SOX5: variants seen among roughly 807,000 people sequenced by gnomAD.
SOX5 encodes SRY-box transcription factor 5, also known as transcription factor SOX-5.
Under a neutral mutation model 92.0 loss-of-function variants are expected in SOX5, and 9 were observed. The ratio of observed to expected loss-of-function variants is 0.10; its 90% CI spans 0.06 to 0.17. The LOEUF is 0.17. Ranked by LOEUF, SOX5 falls within the 10% of genes least tolerant of loss-of-function variation. The pLI, the probability that SOX5 is intolerant of heterozygous loss-of-function variation, is 1.00. For missense variants in SOX5, 642 were observed against 944.5 expected, an observed-to-expected ratio of 0.68 and a Z score of 4.20; for synonymous variants, 344 against 336.3, an observed-to-expected ratio of 1.02 and a Z score of -0.25.
intron 4 of SOX5, among the ~76,000 whole-genome samples, chr12:24,138,086 A>T (rs1208944356): frequency 6.6e-6 from 1 of 152,224 alleles, no homozygotes; most frequent in Non-Finnish European, 1.5e-5. Flanking sequence ...GCTATTTTGG[A>T]GGCCACAAAT....
chr12:24,541,111 GC>G (rs1315113315), intron 1 of SOX5, among the ~76,000 whole-genome samples: 1 of 152,156 alleles, frequency 6.6e-6, no homozygotes. Context: ...TCTGGCAAGA[GC>G]TCACTGTGGG....
chr12:24,363,402 C>A (rs1191485729), intron 2 of SOX5, among the ~76,000 whole-genome samples: 2 of 152,056 alleles, frequency 1.3e-5, no homozygotes, highest in Non-Finnish European at 2.9e-5. Flanking sequence ...AATTTGATTG[C>A]CTCTGTATAC....
Position 24,254,374 on chromosome 12 carries a change from T to C in SOX5, c.-77+22842A>G, listed in dbSNP as rs549126815. 3.5e-4 allele frequency among the ~76,000 whole-genome samples: 52 copies of C among 150,136 alleles called. 1 individual carries two copies. The highest frequency in any genetic ancestry group is 6.7e-4 in the Non-Finnish European group (45 of 67,648). ...AGGGGCTTATGTCCTCACAAACCCA[T>C]TGTAAGTTGTAAAAAAAAAAGTCAA... is the stretch of plus-strand genomic sequence containing the variant. On this transcript the variant is annotated intron_variant, in intron 3 of 4. Transcript: ENST00000446891.
chr12:23,670,087 T>C (rs560046264), intron 6 of SOX5, among the ~76,000 whole-genome samples: 33 of 152,180 alleles, frequency 2.2e-4, no homozygotes, highest in Admixed American at 1.2e-3. Flanking sequence ...AGACAAAAAT[T>C]AATAAAATCA....
intron 3 of SOX5, among the ~76,000 whole-genome samples, chr12:24,234,841 G>A (rs1210391159): frequency 6.6e-6 from 1 of 152,118 alleles, no homozygotes; most frequent in Non-Finnish European, 1.5e-5. Flanking sequence ...AAAGTCTGGA[G>A]ACAATTTTGC....
intron 6 of SOX5, among the ~76,000 whole-genome samples, chr12:23,669,328 A>T (rs78804507): frequency 0.11 from 16,390 of 152,082 alleles, 1,180 homozygotes; most frequent in Middle Eastern, 0.16. Context: ...AGGAGCAGAG[A>T]CAGAGACATA....
intron 4 of SOX5, among the ~76,000 whole-genome samples, chr12:24,080,603 A>G (rs934875198): frequency 2.0e-5 from 3 of 151,992 alleles, no homozygotes; most frequent in African/African-American, 7.2e-5. Flanking sequence ...ACCCAGGACT[A>G]TGGACTGTGT....
At chr12:23,754,964 A>G (rs2094314978) in intron 4 of SOX5, among the ~76,000 whole-genome samples, 7 of 143,396 alleles carry the variant, frequency 4.9e-5, no homozygotes, top group Admixed American at 4.7e-4. Flanking sequence ...GTGTCCTACT[A>G]GCAACAAATA....
intron 3 of SOX5, among the ~76,000 whole-genome samples, chr12:24,246,333 T>C (rs1285784972): frequency 6.6e-6 from 1 of 151,930 alleles, no homozygotes; most frequent in African/African-American, 2.4e-5. Flanking sequence ...ATGATGGTTA[T>C]ATCAGTCATT....
chr12:23,841,823 T>C (rs549122569), intron 3 of SOX5, among the ~76,000 whole-genome samples: 1 of 152,200 alleles, frequency 6.6e-6, no homozygotes, highest in East Asian at 1.9e-4. Flanking sequence ...CAGGATAGTT[T>C]GGAGTGGTGA....
intron 10 of SOX5, among the ~76,000 whole-genome samples, chr12:23,567,953 G>T (rs997921967): frequency 6.6e-6 from 1 of 152,062 alleles, no homozygotes; most frequent in African/African-American, 2.4e-5. Flanking sequence ...TACAAGGAAA[G>T]AAAATAAAAT....
At chr12:23,766,746 T>G (rs551077598) in intron 3 of SOX5, among the ~76,000 whole-genome samples, 1 of 152,206 alleles carries the variant, frequency 6.6e-6, no homozygotes, top group Non-Finnish European at 1.5e-5. Flanking sequence ...CTTTGCTGTT[T>G]TACAACTCCA....
At chr12:23,621,611 G>A (rs1182029955) in intron 8 of SOX5, among the ~76,000 whole-genome samples, 4 of 151,980 alleles carry the variant, frequency 2.6e-5, no homozygotes, top group Non-Finnish European at 5.9e-5. Flanking sequence ...GTGCAAAGGG[G>A]GGAAGAAATA....
At chr12:24,433,412 G>A (rs1938751714) in intron 1 of SOX5, among the ~76,000 whole-genome samples, 1 of 152,188 alleles carries the variant, frequency 6.6e-6, no homozygotes, top group Non-Finnish European at 1.5e-5. Flanking sequence ...AAAAATTGTG[G>A]AAGTTAACTT....
At chr12:23,742,591 T>C (rs2093837006) in intron 4 of SOX5, among the ~76,000 whole-genome samples, 1 of 152,194 alleles carries the variant, frequency 6.6e-6, no homozygotes, top group African/African-American at 2.4e-5. Context: ...ACATTGTTAA[T>C]AGAGAAGTAA....
At chr12:24,212,464 C>T (rs767149994) in intron 4 of SOX5, 1 of 534,150 alleles carries the variant, frequency 1.9e-6, no homozygotes, top group East Asian at 5.5e-5. Context: ...AGCTAAGACA[C>T]ACTCCAGGGG....
At position 23,560,690 on chromosome 12, in the gene SOX5, C is replaced by T. The variant is rs1338604837; in HGVS notation, c.1488+2568G>A. 2.0e-5 allele frequency among the ~76,000 whole-genome samples: 3 copies of T among 152,212 alleles called. No individual in the cohort carries two copies. The East Asian group carries it at 5.8e-4, about 29-fold the overall frequency. On this transcript the variant is annotated intron_variant, in intron 11 of 14. Coordinates refer to ENST00000451604, the MANE Select transcript of SOX5 (RefSeq NM_006940.6). ...ACCTACCACCGTCTCTAATACATAG[C>T]ATGTGCTAATGTTGAATAATTACTA...
chr12:23,717,048 G>A (rs1294440840), intron 6 of SOX5, among the ~76,000 whole-genome samples: 1 of 151,940 alleles, frequency 6.6e-6, no homozygotes, highest in Non-Finnish European at 1.5e-5. Flanking sequence ...GCTTACTTTG[G>A]CCCTTCAAGA....
In SOX5 at chr12:24,055,168, G is replaced by A. The variant is rs139135075; in HGVS notation, c.-2+158175C>T. Among the ~76,000 whole-genome samples the A allele has an allele frequency of 1.7e-4, 26 of 152,248 alleles. No homozygotes were observed. In the East Asian group the frequency reaches 4.1e-3, roughly 24 times the overall value. On this transcript the variant is annotated intron_variant, in intron 4 of 4. Transcript: ENST00000446891. ...GGAAAAAAGCCATCAGCAGGAGAAC[G>A]TTTCATCCCAAGGATCATTTAGACT...
Sources: allele counts gnomAD v4.1 joint callset (sites outside exome capture counted in the v4.1 genomes callset), GRCh38; gene constraint gnomAD v4.1.1; transcripts MANE v1.5; gene names NCBI Gene and HGNC (gene_info 2026-07-23, HGNC 2026-07-21).